Variants in LYPD6 observed in about 807,000 individuals in gnomAD.
The protein encoded by LYPD6 is ly6/PLAUR domain-containing protein 6.
LYPD6 carries 15 observed loss-of-function variants against 22.7 expected under a neutral mutation model. The observed-to-expected ratio is 0.66, with a 90% CI of 0.44 to 1.02. LYPD6 has a LOEUF of 1.02. Ranked by LOEUF, LYPD6 falls within the 50% of genes least tolerant of loss-of-function variation. LYPD6 has a pLI of 0.00. For missense variants in LYPD6, 189 were observed against 208.4 expected (o/e 0.91, Z 0.57); for synonymous variants, 72 against 77.5 (o/e 0.93, Z 0.37).
At chr2:149,475,556 A>G (rs1053877847), downstream of LYPD6, among the ~76,000 whole-genome samples, 5 of 152,198 alleles carry the variant, frequency 3.3e-5, no homozygotes, top group Non-Finnish European at 7.3e-5. Flanking sequence ...CTTGTAAAAA[A>G]TTATGGCCTT....
At chr2:149,421,725 T>C (rs910448954) in intron 1 of LYPD6, among the ~76,000 whole-genome samples, 1 of 152,206 alleles carries the variant, frequency 6.6e-6, no homozygotes, top group African/African-American at 2.4e-5. Context: ...TTTAAAGCCA[T>C]ATATGGACTT....
rs571251069 is a variant in LYPD6, at chr2:149,376,903, A to C, written c.-72+46181A>C. ...ATTTAATTAAATATGGAGCAATCCA[A>C]AGCTCCCATGTTCTTTTCTCCTGGT... On this transcript the variant is annotated intron_variant, in intron 1 of 4. Coordinates refer to ENST00000334166, the MANE Select transcript of LYPD6 (RefSeq NM_194317.5). Among the ~76,000 whole-genome samples, 5 of 152,354 alleles carry C rather than the reference A, an allele frequency of 3.3e-5. No homozygotes were observed. In the East Asian group the frequency reaches 9.6e-4, roughly 29 times the overall value.
chr2:149,370,496 C>G (rs1290126622), intron 1 of LYPD6: 1 of 152,180 alleles, frequency 6.6e-6, no homozygotes, highest in East Asian at 1.9e-4. Context: ...CCCTGTTTCC[C>G]TCCCATCTCT....
chr2:149,444,434 T>C (rs1208140431), intron 2 of LYPD6, among the ~76,000 whole-genome samples: 1 of 152,174 alleles, frequency 6.6e-6, no homozygotes, highest in Non-Finnish European at 1.5e-5. Context: ...AAGTTTACCA[T>C]ATGAGCTGAT....
chr2:149,401,478 A>G (rs761597016), intron 1 of LYPD6, among the ~76,000 whole-genome samples: 6 of 152,208 alleles, frequency 3.9e-5, no homozygotes, highest in Non-Finnish European at 8.8e-5. Context: ...CATCTCTTCC[A>G]GGAAGCCCTC....
At chr2:149,456,496 A>G (rs560166124) in intron 3 of LYPD6, among the ~76,000 whole-genome samples, 1 of 152,068 alleles carries the variant, frequency 6.6e-6, no homozygotes, top group East Asian at 1.9e-4. Flanking sequence ...TCAAATTCTT[A>G]TGTTGAAGTC....
chr2:149,354,712 G>T (rs1681420081), intron 1 of LYPD6, among the ~76,000 whole-genome samples: 1 of 152,158 alleles, frequency 6.6e-6, no homozygotes, highest in Admixed American at 6.5e-5. Flanking sequence ...TACAGCATAA[G>T]GGGGCTTGGA....
At chr2:149,346,782 C>G (rs1482582551) in intron 1 of LYPD6, among the ~76,000 whole-genome samples, 8 of 152,166 alleles carry the variant, frequency 5.3e-5, no homozygotes, top group Non-Finnish European at 1.0e-4. Flanking sequence ...CTCACTGCAA[C>G]CTCCGCCTCC....
rs1217353905 is a variant in LYPD6 at position 149,337,450 on chromosome 2, C to T, written c.-72+6728C>T. Among the ~76,000 whole-genome samples, 5 of 152,024 alleles carry T rather than the reference C, an allele frequency of 3.3e-5. No individual in the cohort carries two copies. The East Asian group carries it at 7.7e-4, about 24-fold the overall frequency. ...CTCTGGCTTATTCTCAAGTTTTGAT[C>T]CAGCTCCTGCCACTTGCATCCATCT... On this transcript the variant is annotated intron_variant, in intron 1 of 4. Coordinates refer to ENST00000334166, the MANE Select transcript of LYPD6 (RefSeq NM_194317.5).
intron 1 of LYPD6, among the ~76,000 whole-genome samples, chr2:149,356,508 C>T (rs1681452402): frequency 6.6e-6 from 1 of 152,180 alleles, no homozygotes; most frequent in African/African-American, 2.4e-5. Flanking sequence ...TCTTTTTCCC[C>T]ATTACCTCTA....
intron 1 of LYPD6, among the ~76,000 whole-genome samples, chr2:149,416,625 G>A (rs752269549): frequency 1.1e-4 from 16 of 152,136 alleles, no homozygotes; most frequent in South Asian, 2.1e-4. Flanking sequence ...CCCTTACAAC[G>A]CCCAGAGTTT....
intron 1 of LYPD6, among the ~76,000 whole-genome samples, chr2:149,352,738 C>T (rs529217263): frequency 6.6e-6 from 1 of 152,288 alleles, no homozygotes; most frequent in Admixed American, 6.5e-5. Context: ...CCCTCAAAGC[C>T]TAAAATATTT....
At chr2:149,448,488 G>C (rs912539957) in intron 2 of LYPD6, among the ~76,000 whole-genome samples, 1 of 152,040 alleles carries the variant, frequency 6.6e-6, no homozygotes, top group Non-Finnish European at 1.5e-5. Flanking sequence ...AAGAATTTCA[G>C]TAACACAAGG....
chr2:149,345,473 T>TG (rs5835271), intron 1 of LYPD6, among the ~76,000 whole-genome samples: 1 of 68,386 alleles, frequency 1.5e-5, no homozygotes, highest in Non-Finnish European at 2.8e-5. Context: ...CACCTGGCTA[T>TG]TTTTTTTTTT....
intron 3 of LYPD6, among the ~76,000 whole-genome samples, chr2:149,466,469 C>T (rs187715643): frequency 6.6e-6 from 1 of 152,204 alleles, no homozygotes; most frequent in African/African-American, 2.4e-5. Context: ...AGAAAAAATT[C>T]TTACTGCACT....
At chr2:149,394,649 T>C (rs1238571595) in intron 1 of LYPD6, among the ~76,000 whole-genome samples, 1 of 152,188 alleles carries the variant, frequency 6.6e-6, no homozygotes, top group Admixed American at 6.5e-5. Context: ...TCTTTCTGTC[T>C]CTCTCTACAC....
intron 3 of LYPD6, among the ~76,000 whole-genome samples, chr2:149,459,704 C>G (rs1417524109): frequency 6.6e-6 from 1 of 152,092 alleles, no homozygotes; most frequent in Non-Finnish European, 1.5e-5. Flanking sequence ...GAGTTCAAGA[C>G]CAGCCTGATC....
chr2:149,367,559 A>T (rs1277499504), intron 1 of LYPD6: 4 of 152,338 alleles, frequency 2.6e-5, no homozygotes, highest in African/African-American at 9.6e-5. Context: ...CCAAGGAGAT[A>T]TGTGACTCCA....
the LYPD6 span, among the ~76,000 whole-genome samples, chr2:149,481,300 C>T: frequency 6.6e-6 from 1 of 152,196 alleles, no homozygotes; most frequent in Non-Finnish European, 1.5e-5. Flanking sequence ...GACACATCTT[C>T]ATATATTTAA....
Sources: allele counts gnomAD v4.1 joint callset (sites outside exome capture counted in the v4.1 genomes callset), GRCh38; gene constraint gnomAD v4.1.1; transcripts MANE v1.5; gene names NCBI Gene and HGNC (gene_info 2026-07-23, HGNC 2026-07-21).